Variants in PRKG1 observed in about 807,000 individuals in gnomAD.
PRKG1 encodes the protein protein kinase cGMP-dependent 1.
PRKG1 carries 35 observed loss-of-function variants against 88.1 expected under a neutral mutation model. The observed-to-expected ratio is 0.40, with a 90% CI of 0.30 to 0.53. The LOEUF (loss-of-function observed/expected upper bound fraction) is 0.53, where lower values mean the gene tolerates loss of function less well. Ranked by LOEUF, PRKG1 falls within the 20% of genes least tolerant of loss-of-function variation. The pLI is 0.59. For synonymous variants in PRKG1, 303 were observed against 292.5 expected (o/e 1.04, Z -0.37); for missense variants, 540 against 839.8 (o/e 0.64, Z 4.41).
intron 1 of PRKG1, among the ~76,000 whole-genome samples, chr10:51,090,053 A>T (rs1225581683): frequency 6.6e-6 from 1 of 152,184 alleles, no homozygotes; most frequent in African/African-American, 2.4e-5. Context: ...TTGCTACTTT[A>T]GCACTAACTA....
intron 2 of PRKG1, among the ~76,000 whole-genome samples, chr10:51,330,552 A>G (rs1042648677): frequency 1.3e-5 from 2 of 152,100 alleles, no homozygotes; most frequent in African/African-American, 2.4e-5. Flanking sequence ...GTATATTTCC[A>G]TGTATTTCTG....
chr10:52,209,173 T>A (rs1157312734), intron 9 of PRKG1, among the ~76,000 whole-genome samples: 1 of 152,166 alleles, frequency 6.6e-6, no homozygotes, highest in African/African-American at 2.4e-5. Flanking sequence ...GCAGTGAGCT[T>A]TGTAGTGAAT....
intron 9 of PRKG1, among the ~76,000 whole-genome samples, chr10:52,233,771 A>T (rs1187583461): frequency 7.9e-5 from 12 of 151,438 alleles, no homozygotes; most frequent in Non-Finnish European, 1.6e-4. Flanking sequence ...TTGCTTAGGT[A>T]AACAAAGCAG....
At chr10:52,173,941 A>G (rs1282805947) in intron 9 of PRKG1, among the ~76,000 whole-genome samples, 1 of 152,088 alleles carries the variant, frequency 6.6e-6, no homozygotes, top group Non-Finnish European at 1.5e-5. Context: ...CTAATTACTT[A>G]TCAGTTTTAC....
At chr10:51,536,096 A>G (rs567583557) in intron 3 of PRKG1, among the ~76,000 whole-genome samples, 1 of 152,290 alleles carries the variant, frequency 6.6e-6, no homozygotes, top group East Asian at 1.9e-4. Context: ...TGTCCAGGTC[A>G]TAGGGGGTAT....
chr10:52,251,673 G>C lies in PRKG1; in HGVS notation c.1173+7G>C. ...TTTCGGACGAGTAGAACTGGTAGGT[G>C]ATTGTTCTTTAAATGCTTTTGATCG... On this transcript the variant is annotated splice_region_variant and intron_variant, in intron 10 of 17. Coordinates refer to ENST00000373980, the MANE Select transcript of PRKG1 (RefSeq NM_006258.4). 1 of 1,605,130 alleles carries C rather than the reference G, an allele frequency of 6.2e-7. No individual in the cohort carries two copies. Among genetic ancestry groups the C allele is most frequent in the Non-Finnish European group, 8.5e-7 (1 of 1,172,366 alleles).
intron 7 of PRKG1, among the ~76,000 whole-genome samples, chr10:52,067,169 G>A (rs1846374534): frequency 6.6e-6 from 1 of 151,984 alleles, no homozygotes; most frequent in Non-Finnish European, 1.5e-5. Flanking sequence ...TATCCTTTGG[G>A]TAATAGCTAT....
At chr10:51,136,191 A>T (rs1845681942) in intron 1 of PRKG1, among the ~76,000 whole-genome samples, 1 of 152,148 alleles carries the variant, frequency 6.6e-6, no homozygotes, top group South Asian at 2.1e-4. Context: ...GATAAGTTCG[A>T]AGGTGACCTA....
At chr10:52,183,222 C>A (rs1010227515) in intron 9 of PRKG1, among the ~76,000 whole-genome samples, 1 of 152,192 alleles carries the variant, frequency 6.6e-6, no homozygotes, top group Non-Finnish European at 1.5e-5. Context: ...CAGACCATAT[C>A]CTGTACCTGC....
chr10:52,165,270 T>C (rs1266952024), intron 9 of PRKG1, among the ~76,000 whole-genome samples: 1 of 152,190 alleles, frequency 6.6e-6, no homozygotes, highest in African/African-American at 2.4e-5. Context: ...AGGTGTCCTG[T>C]CATTCAAAGA....
At chr10:51,174,386 TG>T (rs1837134918) in intron 2 of PRKG1, among the ~76,000 whole-genome samples, 1 of 152,004 alleles carries the variant, frequency 6.6e-6, no homozygotes, top group Non-Finnish European at 1.5e-5. Context: ...CTTTTTAGCA[TG>T]GTAAATCCAA....
At chr10:51,077,149 A>G (rs1341269937) in intron 1 of PRKG1, among the ~76,000 whole-genome samples, 2 of 152,230 alleles carry the variant, frequency 1.3e-5, no homozygotes, top group Non-Finnish European at 2.9e-5. Flanking sequence ...TGGTTGTACA[A>G]GGTAGCTCCA....
intron 3 of PRKG1, among the ~76,000 whole-genome samples, chr10:51,770,803 G>A (rs1192263548): frequency 1.3e-5 from 2 of 152,174 alleles, no homozygotes; most frequent in African/African-American, 4.8e-5. Context: ...GGTCCCCGGT[G>A]ACCAAAAGGT....
At chr10:52,240,416 C>T (rs1420953748) in intron 9 of PRKG1, among the ~76,000 whole-genome samples, 1 of 152,164 alleles carries the variant, frequency 6.6e-6, no homozygotes, top group African/African-American at 2.4e-5. Flanking sequence ...AGATGATATT[C>T]TGGATGGGAT....
intron 1 of PRKG1, among the ~76,000 whole-genome samples, chr10:50,995,133 T>C (rs1842825259): frequency 6.6e-6 from 1 of 152,214 alleles, no homozygotes; most frequent in Admixed American, 6.5e-5. Flanking sequence ...CTATAAACAC[T>C]GCTTCAATGA....
At chr10:51,932,804 G>A (rs1842722257) in intron 5 of PRKG1, among the ~76,000 whole-genome samples, 1 of 152,038 alleles carries the variant, frequency 6.6e-6, no homozygotes, top group Non-Finnish European at 1.5e-5. Context: ...ATTGACTGCT[G>A]CCAGTGAACT....
At chr10:51,441,410 A>G (rs1839099793) in intron 2 of PRKG1, among the ~76,000 whole-genome samples, 1 of 151,958 alleles carries the variant, frequency 6.6e-6, no homozygotes, top group Non-Finnish European at 1.5e-5. Flanking sequence ...ATTTTTAGCC[A>G]CACTTTTTAT....
intron 1 of PRKG1, among the ~76,000 whole-genome samples, chr10:51,146,613 A>G (rs761184003): frequency 2.0e-5 from 3 of 151,994 alleles, no homozygotes; most frequent in Non-Finnish European, 4.4e-5. Context: ...TTTGTTGTCT[A>G]TGCTTTTGAG....
At chr10:51,716,849 C>T (rs987053378) in intron 3 of PRKG1, among the ~76,000 whole-genome samples, 4 of 152,086 alleles carry the variant, frequency 2.6e-5, no homozygotes, top group Non-Finnish European at 4.4e-5. Context: ...CAGGCCACCA[C>T]GCCCGCCTGG....
Sources: allele counts gnomAD v4.1 joint callset (sites outside exome capture counted in the v4.1 genomes callset), GRCh38; gene constraint gnomAD v4.1.1; transcripts MANE v1.5; gene names NCBI Gene and HGNC (gene_info 2026-07-23, HGNC 2026-07-21).